The following LUZP1 variants were observed in gnomAD, a reference collection of about 807,000 sequenced individuals.
LUZP1 encodes leucine zipper protein 1, also known as filamin mechanobinding actin cross-linking protein.
A neutral mutation model predicts 71.3 loss-of-function variants in LUZP1; 25 were observed. That is an observed-to-expected ratio of 0.35 (90% CI 0.26 to 0.49). The LOEUF is 0.49. LUZP1 is among the 20% of genes least tolerant of loss of function. The pLI is 0.99. For missense variants in LUZP1, 1,142 were observed against 1,300.8 expected, an observed-to-expected ratio of 0.88 and a Z score of 1.88; for synonymous variants, 481 against 506.4, an observed-to-expected ratio of 0.95 and a Z score of 0.67.
At chr1:23,085,469 A>G (rs1055771492) in exon 5 of LUZP1, 10 of 152,686 alleles carry the variant, frequency 6.5e-5, no homozygotes, top group African/African-American at 2.4e-4. Context: ...ATAATCCCTA[A>G]AAGCAGCTCT....
chr1:23,093,069 T>G lies in LUZP1; in HGVS notation c.1193A>C (p.Lys398Thr). The stretch of plus-strand genomic sequence containing the variant: ...CTCCCTGTTCCGGAGTCGTTCCCGC[T>G]TATGCTGAGGAGACAGTTCCCGCGC... Residue 398 changes from lysine to threonine, a missense_variant, in exon 4 of 5, where the codon AAG (lysine) becomes ACG (threonine). Lys to Thr is a moderately conservative substitution (Grantham distance 78). Coordinates refer to ENST00000302291, the Ensembl canonical transcript of LUZP1. The surrounding 1 kb of genome is among the most constrained non-coding windows in gnomAD (Gnocchi z 4.2). The G allele has an allele frequency of 6.2e-7, 1 of 1,614,152 alleles. No individual in the cohort carries two copies. Among genetic ancestry groups the G allele is most frequent in the Non-Finnish European group, 8.5e-7 (1 of 1,179,990 alleles).
intron 3 of LUZP1, among the ~76,000 whole-genome samples, chr1:23,102,353 C>T (rs1643938615): frequency 1.3e-5 from 2 of 152,150 alleles, no homozygotes. Context: ...TCTTCCTGTC[C>T]TGGCAGATCA....
At position 23,089,025 on chromosome 1, in the gene LUZP1, C is replaced by CT. The variant is rs1643812128; in HGVS notation, c.3100dup (p.Ser1034LysfsTer14). ...GGAGTTGTGCAGTTGCCTGTAGACA[C>CT]TGAGTGTACAGTCTTCCCCTTCTTC... On this transcript the variant is annotated frameshift_variant, in exon 5 of 5. Coordinates refer to ENST00000302291, the Ensembl canonical transcript of LUZP1. LOFTEE classifies it high-confidence loss of function. 1 of 1,613,962 alleles carries CT rather than the reference C, an allele frequency of 6.2e-7. No homozygotes were observed. The highest frequency in any genetic ancestry group is 8.5e-7 in the Non-Finnish European group (1 of 1,179,934).
At chr1:23,091,373 G>A (rs186940678) in exon 4 of LUZP1, 11 of 1,614,162 alleles carry the variant, frequency 6.8e-6, no homozygotes, top group African/African-American at 6.7e-5. Flanking sequence ...TGGGCTGTTC[G>A]AGTTCTGAGA....
At chr1:23,091,159 AAAG>A in intron 4 of LUZP1, 28 bp downstream of exon 3, 1 of 1,561,196 alleles carries the variant, frequency 6.4e-7, no homozygotes, top group Non-Finnish European at 8.7e-7. Flanking sequence ...GGGAGGGAGA[AAAG>A]AGAGAGGGGA....
intron 3 of LUZP1, among the ~76,000 whole-genome samples, chr1:23,103,920 A>AG (rs146891825): frequency 0.19 from 3,257 of 16,882 alleles, 347 homozygotes; most frequent in Middle Eastern, 0.32. Context: ...GGAGGGAGGG[A>AG]GGGGGGGAAG....
chr1:23,134,976 T>TC (rs775690188), intron 2 of LUZP1, among the ~76,000 whole-genome samples: 1 of 152,084 alleles, frequency 6.6e-6, no homozygotes, highest in Non-Finnish European at 1.5e-5. Context: ...CCTCATGCTC[T>TC]CCCTCCTCCC....
chr1:23,159,498 C>T (rs1233979273), intron 2 of LUZP1, among the ~76,000 whole-genome samples: 4 of 152,194 alleles, frequency 2.6e-5, no homozygotes, highest in Non-Finnish European at 5.9e-5. Flanking sequence ...CTGTGTGTAC[C>T]AGTTCCTCAT....
In LUZP1 at chr1:23,097,870, T is replaced by C. The variant is rs140372306; in HGVS notation, c.-119-3490A>G. ...ATAAATAAGCAGATAGACAGATAGA[T>C]AGATAGGAATTAAGGTAGACTCTAA... On this transcript the variant is annotated intron_variant, in intron 3 of 4. Transcript: ENST00000302291. 1.4e-3 allele frequency among the ~76,000 whole-genome samples: 214 copies of C among 152,068 alleles called. 2 individuals carry two copies. The highest frequency in any genetic ancestry group is 4.8e-3 in the African/African-American group (201 of 41,492).
intron 2 of LUZP1, among the ~76,000 whole-genome samples, chr1:23,110,635 T>TACACACACACAC (rs1553137224): frequency 1.4e-4 from 6 of 41,846 alleles, no homozygotes; most frequent in African/African-American, 3.3e-4. Context: ...CGCGCACACA[T>TACACACACACAC]ACACACACAC....
chr1:23,104,942 A>G (rs937997537), intron 3 of LUZP1, among the ~76,000 whole-genome samples: 5 of 152,176 alleles, frequency 3.3e-5, no homozygotes, highest in African/African-American at 1.2e-4. Flanking sequence ...TTTATATATA[A>G]TCTCTTAAAT....
At chr1:23,105,353 C>G (rs942177889) in intron 3 of LUZP1, among the ~76,000 whole-genome samples, 1 of 152,178 alleles carries the variant, frequency 6.6e-6, no homozygotes, top group African/African-American at 2.4e-5. Flanking sequence ...TGTTAAATCT[C>G]ATTTTTAATA....
At chr1:23,099,463 T>C (rs919468295) in intron 3 of LUZP1, among the ~76,000 whole-genome samples, 8 of 83,578 alleles carry the variant, frequency 9.6e-5, no homozygotes, top group African/African-American at 2.8e-4. Flanking sequence ...CATATCTCAA[T>C]AAAGCTGTTA....
At chr1:23,117,515 G>T (rs1644093601) in intron 2 of LUZP1, among the ~76,000 whole-genome samples, 2 of 72,228 alleles carry the variant, frequency 2.8e-5, no homozygotes, top group Non-Finnish European at 4.9e-5. Flanking sequence ...CCTGGGGGGG[G>T]GGGCGGGGGG....
At position 23,170,468 on chromosome 1, in the gene LUZP1, T is replaced by C. The variant is rs79246718; in HGVS notation, c.-484-1444A>G. Among the ~76,000 whole-genome samples the C allele has an allele frequency of 8.4e-3, 867 of 102,648 alleles. 12 individuals are homozygous for C. Among genetic ancestry groups the C allele is most frequent in the African/African-American group, 0.031 (816 of 26,462 alleles). 67.3% of individuals were successfully genotyped at this position (102,648 alleles called of 152,430 possible). A position where few individuals can be genotyped will look rare whatever the true frequency, so the allele number is the denominator to read the frequency against. On this transcript the variant is annotated intron_variant, in intron 1 of 4. Transcript: ENST00000302291. ...TCTTATTTTCTTTTTCTTTCTTTTT[T>C]TTTTTTTTTTTTTTTGAGACGAATT...
intron 1 of LUZP1, among the ~76,000 whole-genome samples, chr1:23,171,117 T>A (rs1045590991): frequency 5.1e-5 from 7 of 136,170 alleles, no homozygotes; most frequent in African/African-American, 1.1e-4. Flanking sequence ...TATATATATA[T>A]AATTACTGTA....
chr1:23,114,436 G>A lies in LUZP1; in HGVS notation c.-225-5309C>T, dbSNP rs377679139. ...AGGATGGGGTGGGGACCAATCAGGG[G>A]GTATGGGGCTAAGGAAGTGCCAGCA... On this transcript the variant is annotated intron_variant, in intron 2 of 4. Transcript: ENST00000302291. Among the ~76,000 whole-genome samples, 855 of 152,202 alleles carry A rather than the reference G, an allele frequency of 5.6e-3. 13 individuals are homozygous for A. The highest frequency in any genetic ancestry group is 7.5e-3 in the Non-Finnish European group (511 of 68,006).
intron 2 of LUZP1, among the ~76,000 whole-genome samples, chr1:23,120,375 T>C (rs1395321722): frequency 6.7e-6 from 1 of 148,342 alleles, no homozygotes; most frequent in African/African-American, 2.5e-5. Context: ...AATAAACATA[T>C]ATATATGGAG....
At chr1:23,085,059 A>ATGAT (rs1181661113) in exon 5 of LUZP1, 1 of 152,610 alleles carries the variant, frequency 6.6e-6, no homozygotes. Context: ...GGCAGCTCCA[A>ATGAT]TGATACACAT....
Sources: gnomAD v4.1 joint callset for allele counts (sites outside exome capture counted in the v4.1 genomes callset) on GRCh38, gnomAD v4.1.1 for gene constraint, Gnocchi (gnomAD v3.1) non-coding constraint, MANE v1.5 for transcripts, NCBI Gene and HGNC (gene_info 2026-07-23, HGNC 2026-07-21) for gene names.